ZNF559: variants seen among roughly 807,000 people sequenced by gnomAD.
ZNF559 encodes the protein zinc finger protein 559.
In ZNF559, 17 loss-of-function variants were observed where a neutral mutation model predicts 14.2. That is an observed-to-expected ratio of 1.20 (90% CI 0.82 to 1.80). The LOEUF (loss-of-function observed/expected upper bound fraction) is 1.80. ZNF559 is among the 40% of genes most tolerant of loss of function. The pLI is 0.00. For missense variants in ZNF559, 740 were observed against 629.7 expected, an observed-to-expected ratio of 1.18 and a Z score of -1.88; for synonymous variants, 244 against 212.4, an observed-to-expected ratio of 1.15 and a Z score of -1.29.
chr19:9,335,155 T>TAAAAAAAAAAAAA (rs1568362673), intron 2 of ZNF559, among the ~76,000 whole-genome samples: 2 of 138,284 alleles, frequency 1.4e-5, no homozygotes, highest in African/African-American at 5.6e-5. Context: ...AAAAAAAAAT[T>TAAAAAAAAAAAAA]AGCTGGTCAT....
intron 2 of ZNF559, among the ~76,000 whole-genome samples, chr19:9,335,394 G>C (rs925904292): frequency 2.0e-5 from 3 of 152,116 alleles, no homozygotes; most frequent in African/African-American, 7.2e-5. Flanking sequence ...TTGAGCCCAG[G>C]AGTTCAAGGC....
chr19:9,335,657 C>T lies in ZNF559; in HGVS notation c.-119-2139C>T, dbSNP rs1007793104. ...TTGCCTCCCAGGCTCAAGCCACCTT[C>T]CCACGTAGCTGGCACTACAGACACG... On this transcript the variant is annotated intron_variant, in intron 2 of 6. Coordinates refer to ENST00000603380, the MANE Select transcript of ZNF559 (RefSeq NM_032497.3). Among the ~76,000 whole-genome samples the T allele has an allele frequency of 4.6e-5, 7 of 152,318 alleles. No individual in the cohort carries two copies. In the South Asian group the frequency reaches 1.4e-3, roughly 32 times the overall value.
intron 2 of ZNF559, among the ~76,000 whole-genome samples, chr19:9,330,541 A>G (rs148460604): frequency 3.3e-5 from 5 of 151,742 alleles, no homozygotes; most frequent in South Asian, 2.1e-4. Context: ...ACTATAATCT[A>G]TTTTTTATTT....
At chr19:9,326,375 G>C (rs566139191) in intron 2 of ZNF559, among the ~76,000 whole-genome samples, 1 of 152,096 alleles carries the variant, frequency 6.6e-6, no homozygotes, top group African/African-American at 2.4e-5. Flanking sequence ...AAAGTACTGC[G>C]TGAACCACCA....
Position 9,339,812 on chromosome 19 carries a change from A to G in ZNF559, c.160+493A>G, listed in dbSNP as rs911184384. Among the ~76,000 whole-genome samples, 5 of 146,448 alleles carry G rather than the reference A, an allele frequency of 3.4e-5. No homozygotes were observed. The South Asian group carries it at 1.1e-3, about 31-fold the overall frequency. ...GAGACAGAGTCTTGCTCTGTCACCCAGGCTGGAGTGCAGTGGCGTGATCTT... is the reference window on the plus strand; with the variant it reads ...GAGACAGAGTCTTGCTCTGTCACCCGGGCTGGAGTGCAGTGGCGTGATCTT... On this transcript the variant is annotated intron_variant, in intron 5 of 6. Transcript: ENST00000603380.
chr19:9,325,112 C>G lies in ZNF559; in HGVS notation c.-120+332C>G, dbSNP rs534116675. ...GAATTGATAATGAATGCGAAGATAA[C>G]TTTTGACAGGTGGGTTTTCTACCAG... On this transcript the variant is annotated intron_variant, in intron 2 of 6. Coordinates refer to ENST00000603380, the MANE Select transcript of ZNF559 (RefSeq NM_032497.3). Among the ~76,000 whole-genome samples the G allele has an allele frequency of 2.0e-5, 3 of 152,274 alleles. No individual in the cohort carries two copies. The East Asian group carries it at 5.8e-4, about 29-fold the overall frequency.
intron 2 of ZNF559, among the ~76,000 whole-genome samples, chr19:9,328,802 G>C (rs1568358178): frequency 6.6e-6 from 1 of 152,166 alleles, no homozygotes; most frequent in Non-Finnish European, 1.5e-5. Context: ...AGTAGATGTG[G>C]AATGTTGTGT....
chr19:9,327,044 C>T (rs2066646433), intron 2 of ZNF559, among the ~76,000 whole-genome samples: 1 of 152,194 alleles, frequency 6.6e-6, no homozygotes, highest in East Asian at 1.9e-4. Context: ...AGGTAATGTA[C>T]TGGGCTTCAT....
At chr19:9,328,434 A>G (rs542175112) in intron 2 of ZNF559, among the ~76,000 whole-genome samples, 7 of 144,176 alleles carry the variant, frequency 4.9e-5, no homozygotes, top group Non-Finnish European at 1.0e-4. Context: ...GCTCACTGCA[A>G]CCTCCACCTC....
At chr19:9,323,943 T>C, upstream of ZNF559, 1 of 572,956 alleles carries the variant, frequency 1.7e-6, no homozygotes, top group South Asian at 2.3e-5. Context: ...TGCTTCATTC[T>C]TTCTTTGCTT....
intron 5 of ZNF559, among the ~76,000 whole-genome samples, chr19:9,340,190 G>A (rs539584866): frequency 9.2e-5 from 14 of 152,050 alleles, no homozygotes; most frequent in Middle Eastern, 3.4e-3. Flanking sequence ...TAAAGACAGC[G>A]CAGAAAATTC....
In ZNF559 at chr19:9,338,598, C is replaced by G. The variant is rs542417854; in HGVS notation, c.33+16C>G. The G allele has an allele frequency of 3.1e-6, 5 of 1,595,038 alleles. No individual in the cohort carries two copies. Among genetic ancestry groups the G allele is most frequent in the East Asian group, 4.5e-5 (2 of 44,726 alleles). ...TTACTCTCAGGTAAGTAGGAAATTG[C>G]TTTTTCTGTAGAAGCATATGCTTCT... On this transcript the variant is annotated intron_variant, in intron 4 of 6. Coordinates refer to ENST00000603380, the MANE Select transcript of ZNF559 (RefSeq NM_032497.3).
intron 2 of ZNF559, among the ~76,000 whole-genome samples, chr19:9,326,326 C>G (rs866648741): frequency 2.0e-5 from 3 of 152,140 alleles, no homozygotes; most frequent in South Asian, 2.1e-4. Flanking sequence ...AGGCTGGTCT[C>G]GAACTCCTGA....
In ZNF559 at chr19:9,342,374, G is replaced by GT; in HGVS notation, c.926dup (p.Ser310LeufsTer17). 6.2e-7 allele frequency: 1 copy of GT among 1,610,306 alleles called. No homozygotes were observed. The highest frequency in any genetic ancestry group is 8.5e-7 in the Non-Finnish European group (1 of 1,178,250). On this transcript the variant is annotated frameshift_variant, in exon 7 of 7. Transcript: ENST00000603380. LOFTEE classifies it low-confidence loss of function (END_TRUNC). ...AATGAATGTGGCAAAGAATTTACTT[G>GT]TTTCTCAAAACTCAACATTCACATA...
rs773924911 is a variant in ZNF559, at chr19:9,342,560, T to C, written c.1109T>C (p.Val370Ala). 6.2e-7 allele frequency: 1 copy of C among 1,613,976 alleles called. No individual in the cohort carries two copies. The highest frequency in any genetic ancestry group is 8.5e-7 in the Non-Finnish European group (1 of 1,179,966). Residue 370 changes from valine (V) to alanine (A), a missense_variant, in exon 7 of 7, where the codon GTA becomes GCA. By Grantham distance (64) the Val-to-Ala change is moderately conservative (BLOSUM62 0). Coordinates refer to ENST00000603380, the MANE Select transcript of ZNF559 (RefSeq NM_032497.3). ...KAFANSSHLT[V>A]HMRTHTGEKP... is the part of the protein sequence containing the mutation. ...TTTGCTAACTCTTCACATCTTACTG[T>C]ACATATGAGAACTCACACTGGTGAG... is the stretch of plus-strand genomic sequence containing the variant.
In ZNF559 at chr19:9,341,385, ATTTCC is replaced by A. The variant is rs2067574687; in HGVS notation, c.243+204_243+208del. Reference sequence around the variant, plus strand: ...TCCCTCAGAATATATTTGTTTACATATTTCCTTCAACATTCCCATATGTATCTCAG... The same window carrying A: ...TCCCTCAGAATATATTTGTTTACATATTCAACATTCCCATATGTATCTCAG... On this transcript the variant is annotated intron_variant, in intron 6 of 6. Transcript: ENST00000603380. 1.7e-5 allele frequency: 13 copies of A among 759,850 alleles called. 1 individual carries two copies. The Admixed American group carries it at 2.4e-4, about 14-fold the overall frequency. 47.1% of individuals were successfully genotyped at this position (759,850 alleles called of 1,614,324 possible).
intron 2 of ZNF559, among the ~76,000 whole-genome samples, chr19:9,325,555 G>T (rs1479329895): frequency 6.6e-6 from 1 of 152,146 alleles, no homozygotes; most frequent in Non-Finnish European, 1.5e-5. Context: ...CATGTTGGGA[G>T]GCTGAGGCTG....
In ZNF559 at chr19:9,340,452, AT is replaced by A. The variant is rs1385546389; in HGVS notation, c.161-647del. The stretch of plus-strand genomic sequence containing the variant: ...CTTCTCCTTTAAATTTATGATTTGC[AT>A]TTAGCTCTGTATCCATTTCCTTTCA... On this transcript the variant is annotated intron_variant, in intron 5 of 6. Coordinates refer to ENST00000603380, the MANE Select transcript of ZNF559 (RefSeq NM_032497.3). Among the ~76,000 whole-genome samples the A allele has an allele frequency of 6.1e-4, 92 of 150,190 alleles. 1 individual carries two copies. Among genetic ancestry groups the A allele is most frequent in the Non-Finnish European group, 2.9e-5 (2 of 67,838 alleles).
intron 3 of ZNF559, 67 bp downstream of exon 3, chr19:9,337,925 G>C: frequency 1.3e-6 from 2 of 1,535,724 alleles, no homozygotes; most frequent in South Asian, 1.2e-5. Flanking sequence ...CATAAGTTCA[G>C]ACAGTGTCTC....
Sources: gnomAD v4.1 joint callset for allele counts (sites outside exome capture counted in the v4.1 genomes callset) on GRCh38, gnomAD v4.1.1 for gene constraint, MANE v1.5 for transcripts, NCBI Gene and HGNC (gene_info 2026-07-23, HGNC 2026-07-21) for gene names.